PAXIP1: variants seen among roughly 807,000 people sequenced by gnomAD.
The protein encoded by PAXIP1 is PAX interacting protein 1, also known as PAX-interacting protein 1.
A neutral mutation model predicts 140.6 loss-of-function variants in PAXIP1; 19 were observed. The ratio of observed to expected loss-of-function variants is 0.14; its 90% CI spans 0.09 to 0.20. PAXIP1 has a LOEUF of 0.20. Ranked by LOEUF, PAXIP1 falls within the 10% of genes least tolerant of loss-of-function variation. PAXIP1 has a pLI of 1.00. For missense variants in PAXIP1, 920 were observed against 1,208.6 expected, an observed-to-expected ratio of 0.76 and a Z score of 3.54; for synonymous variants, 442 against 444.6, an observed-to-expected ratio of 0.99 and a Z score of 0.07.
At chr7:154,951,590 A>G (rs1166604022) in intron 16 of PAXIP1, 1 of 151,956 alleles carries the variant, frequency 6.6e-6, no homozygotes, top group Non-Finnish European at 1.5e-5. Context: ...TATAACAACC[A>G]CTTTCTAACC....
rs746474744 is a variant in PAXIP1, at chr7:154,975,962, C to T, written c.808G>A (p.Glu270Lys). Residue 270 changes from glutamate to lysine, a missense_variant, in exon 6 of 21, where the codon GAA becomes AAA. Coordinates refer to ENST00000404141, the MANE Select transcript of PAXIP1 (RefSeq NM_007349.4). ...TTTGCTGCAGCTAACTGTGGGACTT[C>T]GGCCGGGGTCCAGTTTAAATTTCTC... ...QERNLNWTPA[E>K]VPQLAAAKRR... 2.3e-5 allele frequency: 37 copies of T among 1,613,676 alleles called. No individual in the cohort carries two copies. Among genetic ancestry groups the T allele is most frequent in the African/African-American group, 4.0e-5 (3 of 74,910 alleles).
chr7:154,954,458 G>A lies in PAXIP1; in HGVS notation c.2653-35C>T, dbSNP rs1038618926. 1 of 1,421,226 alleles carries A rather than the reference G, an allele frequency of 7.0e-7. No homozygotes were observed. Among genetic ancestry groups the A allele is most frequent in the Non-Finnish European group, 9.4e-7 (1 of 1,064,034 alleles). 88.0% of individuals were successfully genotyped at this position (1,421,226 alleles called of 1,614,324 possible). On this transcript the variant is annotated intron_variant, in intron 15 of 20. Coordinates refer to ENST00000404141, the MANE Select transcript of PAXIP1 (RefSeq NM_007349.4). This position sits in a 1 kb window ranked among gnomAD's most constrained non-coding sequence, Gnocchi z 5.1. ...ACAAACACAGGTCGGAAATGAAAAA[G>A]TTCAGCATCCACAGAGCCACACTGA...
intron 16 of PAXIP1, chr7:154,950,084 T>C (rs1015081500): frequency 8.5e-5 from 13 of 152,116 alleles, no homozygotes; most frequent in African/African-American, 3.1e-4. Context: ...GAAATGAGTA[T>C]CCTAGAAATT....
At chr7:154,972,315 C>T (rs575050159) in intron 6 of PAXIP1, among the ~76,000 whole-genome samples, 6 of 152,222 alleles carry the variant, frequency 3.9e-5, no homozygotes, top group Admixed American at 6.5e-5. Context: ...GGCAAAAACC[C>T]GTCTCTAATA....
intron 3 of PAXIP1, among the ~76,000 whole-genome samples, chr7:154,992,222 T>C (rs981293421): frequency 2.6e-5 from 4 of 152,080 alleles, no homozygotes; most frequent in African/African-American, 7.2e-5. Context: ...GCACAATCTT[T>C]TGTTCTTATG....
In PAXIP1 at chr7:154,948,026, C is replaced by T. The variant is rs375168262; in HGVS notation, c.2822-23G>A. Reference sequence around the variant, plus strand: ...CATCTGGAAAACAGAACAGCACATACTCTGAAAAGTGTGGACACGTGAAGT... The same window carrying T: ...CATCTGGAAAACAGAACAGCACATATTCTGAAAAGTGTGGACACGTGAAGT... On this transcript the variant is annotated intron_variant, in intron 16 of 20. Transcript: ENST00000404141. 1.4e-4 allele frequency: 208 copies of T among 1,535,870 alleles called. No individual in the cohort carries two copies. The African/African-American group carries it at 2.7e-3, about 20-fold the overall frequency.
Position 154,986,074 on chromosome 7 carries a change from A to G in PAXIP1, c.325-2742T>C. On this transcript the variant is annotated intron_variant, in intron 4 of 20. Coordinates refer to ENST00000404141, the MANE Select transcript of PAXIP1 (RefSeq NM_007349.4). The surrounding 1 kb of genome is among the most constrained non-coding windows in gnomAD (Gnocchi z 4.8). Reference sequence around the variant, plus strand: ...TCAATACCGGGTCAGAAGAAGGCAGATGATCTCTGTGCTTCCCAACTTCTG... The same window carrying G: ...TCAATACCGGGTCAGAAGAAGGCAGGTGATCTCTGTGCTTCCCAACTTCTG... 7.3e-7 allele frequency: 1 copy of G among 1,364,990 alleles called. No homozygotes were observed. Among genetic ancestry groups the G allele is most frequent in the Non-Finnish European group, 9.8e-7 (1 of 1,021,280 alleles). 84.6% of individuals were successfully genotyped at this position (1,364,990 alleles called of 1,614,324 possible).
In PAXIP1 at chr7:154,977,946, ACG is replaced by A. The variant is rs1491121802; in HGVS notation, c.439-1617_439-1616del. On this transcript the variant is annotated intron_variant, in intron 5 of 20. Transcript: ENST00000404141. ...CAAACTTTTTAATGTACATTTTCGA[ACG>A]CAGACCAAACTTTTTAATGTACATT... is the stretch of plus-strand genomic sequence containing the variant. 2.5e-3 allele frequency among the ~76,000 whole-genome samples: 305 copies of A among 124,020 alleles called. 2 individuals carry two copies. Among genetic ancestry groups the A allele is most frequent in the Middle Eastern group, 7.8e-3 (2 of 258 alleles). 81.4% of individuals were successfully genotyped at this position (124,020 alleles called of 152,430 possible).
intron 5 of PAXIP1, 77 bp downstream of exon 5, chr7:154,983,139 AAAG>A: frequency 1.5e-6 from 1 of 675,248 alleles, no homozygotes; most frequent in East Asian, 2.8e-5. Context: ...AACTAATTTA[AAAG>A]AAGCTCAAAA....
intron 5 of PAXIP1, among the ~76,000 whole-genome samples, chr7:154,980,643 G>C (rs1446602735): frequency 6.6e-6 from 1 of 152,054 alleles, no homozygotes. Context: ...CAAACTTCTG[G>C]GCTCAAGAGA....
chr7:154,968,717 TGCTGCTGCTGAAAGGGCTGGA>T lies in PAXIP1; in HGVS notation c.1463_1483del (p.Leu488_Gln494del), dbSNP rs1554508636. On this transcript the variant is annotated inframe_deletion, in exon 7 of 21. Coordinates refer to ENST00000404141, the MANE Select transcript of PAXIP1 (RefSeq NM_007349.4). Reference sequence around the variant, plus strand: ...CTGATGGAACTGCTGCTGCAGGGCATGCTGCTGCTGAAAGGGCTGGAGCTGCTGCTGAGGGCGATGCAGCTG... The same window carrying T: ...CTGATGGAACTGCTGCTGCAGGGCATGCTGCTGCTGAGGGCGATGCAGCTG... 4.2e-6 allele frequency: 3 copies of T among 718,306 alleles called. No homozygotes were observed. The highest frequency in any genetic ancestry group is 3.5e-5 in the African/African-American group (2 of 57,134). 44.5% of individuals were successfully genotyped at this position (718,306 alleles called of 1,614,324 possible).
At chr7:154,949,810 G>A (rs1426507752) in intron 16 of PAXIP1, 1 of 152,300 alleles carries the variant, frequency 6.6e-6, no homozygotes, top group Non-Finnish European at 1.5e-5. Context: ...GGGAGGCTGA[G>A]GCAGGAGAAT....
chr7:154,995,623 G>A (rs1218158226), intron 2 of PAXIP1, among the ~76,000 whole-genome samples: 3 of 152,230 alleles, frequency 2.0e-5, no homozygotes, highest in Admixed American at 6.5e-5. Context: ...GCCAAGGCGG[G>A]CGGATCACTT....
intron 1 of PAXIP1, among the ~76,000 whole-genome samples, chr7:154,999,098 C>T (rs776535278): frequency 2.0e-5 from 3 of 152,156 alleles, no homozygotes; most frequent in Non-Finnish European, 2.9e-5. Context: ...ACCACTGCTG[C>T]GGTGGGGCCA....
chr7:154,961,090 T>C lies in PAXIP1; in HGVS notation c.2250-13A>G. On this transcript the variant is annotated splice_polypyrimidine_tract_variant and intron_variant, in intron 11 of 20. Coordinates refer to ENST00000404141, the MANE Select transcript of PAXIP1 (RefSeq NM_007349.4). ...TAAACCAGTTGGTCTTTTTATTTTT[T>C]GAGGAGAAAACATATTTATTAAATG... The C allele has an allele frequency of 1.3e-6, 2 of 1,515,982 alleles. No homozygotes were observed. Among genetic ancestry groups the C allele is most frequent in the Non-Finnish European group, 1.8e-6 (2 of 1,126,964 alleles). The allele number at this position is 1,515,982 out of a possible 1,614,324, so 93.9% of individuals were successfully genotyped here.
upstream of PAXIP1, chr7:155,003,352 C>A (rs118112836): frequency 0.1 from 15,199 of 151,924 alleles, 1,935 homozygotes; most frequent in African/African-American, 0.28. Flanking sequence ...CTCGGCGGGG[C>A]CGGAGTGAGC....
rs952021612 is a variant in PAXIP1 at position 154,946,237 on chromosome 7, T to G, written c.3194+128A>C. 4 of 1,514,814 alleles carry G rather than the reference T, an allele frequency of 2.6e-6. No individual in the cohort carries two copies. In the African/African-American group the frequency reaches 5.6e-5, roughly 21 times the overall value. 93.8% of individuals were successfully genotyped at this position (1,514,814 alleles called of 1,614,324 possible). A position where few individuals can be genotyped will look rare whatever the true frequency, so the allele number is the denominator to read the frequency against. On this transcript the variant is annotated intron_variant, in intron 20 of 20. Coordinates refer to ENST00000404141, the MANE Select transcript of PAXIP1 (RefSeq NM_007349.4). This position sits in a 1 kb window ranked among gnomAD's most constrained non-coding sequence, Gnocchi z 4.9. ...TTCTGAAGAGAAAAGAATTGTTCAC[T>G]GCATAAATCACAATAGCAAAGAAAG...
In PAXIP1 at chr7:154,968,717, T is replaced by TGCTGCTGCTGAAAGGGCTGGA. The variant is rs1554508636; in HGVS notation, c.1463_1483dup (p.Leu488_Gln494dup). 3 of 718,306 alleles carry TGCTGCTGCTGAAAGGGCTGGA rather than the reference T, an allele frequency of 4.2e-6. No homozygotes were observed. In the East Asian group the frequency reaches 8.0e-5, roughly 19 times the overall value. The allele number at this position is 718,306 out of a possible 1,614,324, so 44.5% of individuals were successfully genotyped here. On this transcript the variant is annotated inframe_insertion, in exon 7 of 21. Coordinates refer to ENST00000404141, the MANE Select transcript of PAXIP1 (RefSeq NM_007349.4). ...CTGATGGAACTGCTGCTGCAGGGCA[T>TGCTGCTGCTGAAAGGGCTGGA]GCTGCTGCTGAAAGGGCTGGAGCTG...
intron 13 of PAXIP1, among the ~76,000 whole-genome samples, chr7:154,959,348 C>A (rs549966837): frequency 6.6e-6 from 1 of 152,290 alleles, no homozygotes; most frequent in East Asian, 1.9e-4. Flanking sequence ...TCTCAAAGTG[C>A]TGATGTTCAG....
Sources: allele counts gnomAD v4.1 joint callset (sites outside exome capture counted in the v4.1 genomes callset), GRCh38; gene constraint gnomAD v4.1.1; non-coding constraint Gnocchi (gnomAD v3.1); transcripts MANE v1.5; gene names NCBI Gene and HGNC (gene_info 2026-07-23, HGNC 2026-07-21).